The following RBFOX1 variants were observed in gnomAD, a reference collection of about 807,000 sequenced individuals.
RBFOX1 encodes the protein RNA binding fox-1 homolog 1, also known as RNA binding protein fox-1 homolog 1.
Under a neutral mutation model 57.7 loss-of-function variants are expected in RBFOX1, and 8 were observed. The observed-to-expected ratio is 0.14, with a 90% confidence interval of 0.08 to 0.25. The LOEUF (loss-of-function observed/expected upper bound fraction) is 0.25. Ranked by LOEUF, RBFOX1 falls within the 10% of genes least tolerant of loss-of-function variation. The pLI is 1.00. For missense variants in RBFOX1, 611 were observed against 548.5 expected (o/e 1.11, Z -1.14); for synonymous variants, 326 against 222.4 (o/e 1.47, Z -4.15).
intron 1 of RBFOX1, among the ~76,000 whole-genome samples, chr16:6,292,513 T>C (rs963457108): frequency 6.6e-6 from 1 of 152,162 alleles, no homozygotes; most frequent in Admixed American, 6.5e-5. Flanking sequence ...AGCCTCTTAA[T>C]ATCCATCTTC....
intron 5 of RBFOX1, among the ~76,000 whole-genome samples, chr16:7,566,992 A>C (rs2091838580): frequency 6.6e-6 from 1 of 151,902 alleles, no homozygotes; most frequent in Non-Finnish European, 1.5e-5. Flanking sequence ...AATACCACCC[A>C]AAAATAATGG....
intron 2 of RBFOX1, among the ~76,000 whole-genome samples, chr16:6,500,107 A>C (rs547129872): frequency 6.6e-6 from 1 of 152,280 alleles, no homozygotes; most frequent in Non-Finnish European, 1.5e-5. Flanking sequence ...AAGTTGAAGG[A>C]GCCATTCTTG....
intron 1 of RBFOX1, among the ~76,000 whole-genome samples, chr16:6,114,722 A>AT (rs2096481509): frequency 6.6e-6 from 1 of 152,146 alleles, no homozygotes; most frequent in South Asian, 2.1e-4. Flanking sequence ...AGGATGACTA[A>AT]TGGCTAGTGA....
intron 4 of RBFOX1, among the ~76,000 whole-genome samples, chr16:7,346,782 C>T (rs966630299): frequency 3.3e-5 from 5 of 152,138 alleles, no homozygotes; most frequent in African/African-American, 1.2e-4. Flanking sequence ...CCCATACGAT[C>T]ATGTGGGTTG....
In RBFOX1 at chr16:6,334,705, G is replaced by A. The variant is rs151006667; in HGVS notation, c.-64+17648G>A. 1.1e-4 allele frequency among the ~76,000 whole-genome samples: 16 copies of A among 152,176 alleles called. No individual in the cohort carries two copies. The East Asian group carries it at 2.9e-3, about 28-fold the overall frequency. ...TCTTCTTGCTTGCCAGTTCTCATTC[G>A]CAGAGGATCCCTGTAGTTCTGTTGA... is the stretch of plus-strand genomic sequence containing the variant. On this transcript the variant is annotated intron_variant, in intron 2 of 15. Coordinates refer to ENST00000550418, the MANE Select transcript of RBFOX1 (RefSeq NM_018723.4).
chr16:5,555,895 T>C (rs1024984581), intron 2 of RBFOX1, among the ~76,000 whole-genome samples: 5 of 151,894 alleles, frequency 3.3e-5, no homozygotes, highest in Admixed American at 6.6e-5. Context: ...GTGGTGCATG[T>C]CTGTAATCCC....
rs542339058 is a variant in RBFOX1 at position 6,954,912 on chromosome 16, C to T, written c.-15-97145C>T. On this transcript the variant is annotated intron_variant, in intron 3 of 15. Coordinates refer to ENST00000550418, the MANE Select transcript of RBFOX1 (RefSeq NM_018723.4). ...AATAAAGAAAGGTAATTATCCTAAA[C>T]TTATTAGGCTATTTTAGGCATCAAA... 1.2e-4 allele frequency among the ~76,000 whole-genome samples: 19 copies of T among 152,156 alleles called. 1 individual carries two copies. The South Asian group carries it at 3.1e-3, about 25-fold the overall frequency.
chr16:7,479,228 A>G (rs1599492954), intron 4 of RBFOX1, among the ~76,000 whole-genome samples: 1 of 151,054 alleles, frequency 6.6e-6, no homozygotes, highest in South Asian at 2.1e-4. Flanking sequence ...AGTTGAGGCA[A>G]CTCTCCTGCC....
chr16:7,383,067 A>G (rs1480270319), intron 4 of RBFOX1, among the ~76,000 whole-genome samples: 1 of 152,170 alleles, frequency 6.6e-6, no homozygotes, highest in Non-Finnish European at 1.5e-5. Context: ...TCTAAAGAAA[A>G]AAAAATGCAA....
At chr16:6,536,919 T>C (rs1445370902) in intron 2 of RBFOX1, among the ~76,000 whole-genome samples, 2 of 152,206 alleles carry the variant, frequency 1.3e-5, no homozygotes, top group Non-Finnish European at 2.9e-5. Flanking sequence ...ATCTAAATTA[T>C]GTGTATACAA....
intron 4 of RBFOX1, among the ~76,000 whole-genome samples, chr16:7,181,854 C>T (rs1386927854): frequency 6.6e-6 from 1 of 152,144 alleles, no homozygotes; most frequent in Non-Finnish European, 1.5e-5. Flanking sequence ...AGACACCATA[C>T]CCGGGCCCCA....
In RBFOX1 at chr16:5,392,697, C is replaced by T. The variant is rs139520954; in HGVS notation, c.220-74519C>T. ...GAAGCTTCTTCAAACCTAGATGTAT[C>T]GTACCTTTGGGAAAGAAACAAATGC... On this transcript the variant is annotated intron_variant, in intron 1 of 2. Coordinates refer to the RBFOX1 transcript ENST00000585867. Among the ~76,000 whole-genome samples the T allele has an allele frequency of 1.2e-3, 185 of 152,064 alleles. 2 individuals are homozygous for T. The highest frequency in any genetic ancestry group is 4.3e-3 in the African/African-American group (178 of 41,452).
chr16:5,277,036 C>T (rs1173286679), intron 1 of RBFOX1, among the ~76,000 whole-genome samples: 3 of 152,094 alleles, frequency 2.0e-5, no homozygotes, highest in Non-Finnish European at 4.4e-5. Flanking sequence ...AACTATAGAA[C>T]CAGCCCAAAT....
At chr16:6,284,549 C>T (rs2076707282) in intron 1 of RBFOX1, among the ~76,000 whole-genome samples, 1 of 152,106 alleles carries the variant, frequency 6.6e-6, no homozygotes, top group Non-Finnish European at 1.5e-5. Flanking sequence ...CACCTGTTTG[C>T]CTGAGGAAGA....
At chr16:6,590,742 C>T (rs1199661558) in intron 2 of RBFOX1, among the ~76,000 whole-genome samples, 1 of 152,172 alleles carries the variant, frequency 6.6e-6, no homozygotes, top group Non-Finnish European at 1.5e-5. Flanking sequence ...ATTTCCTCAA[C>T]TTAGCTGTCC....
chr16:5,740,082 G>T (rs57105172), intron 3 of RBFOX1, among the ~76,000 whole-genome samples: 41,269 of 152,056 alleles, frequency 0.27, 6,149 homozygotes, highest in East Asian at 0.57. Flanking sequence ...AACGCTTGTT[G>T]GCAGTGGAGC....
chr16:5,332,854 C>T (rs953438002), intron 1 of RBFOX1, among the ~76,000 whole-genome samples: 6 of 151,858 alleles, frequency 4.0e-5, no homozygotes, highest in African/African-American at 1.5e-4. Context: ...TTTTCTGTTC[C>T]CGAGTCACCA....
At chr16:6,709,573 A>G (rs2063365476) in intron 3 of RBFOX1, among the ~76,000 whole-genome samples, 1 of 152,188 alleles carries the variant, frequency 6.6e-6, no homozygotes, top group Non-Finnish European at 1.5e-5. Context: ...CTTCAAACTC[A>G]TTTCCAATGT....
chr16:5,972,926 C>A (rs1036475317), intron 4 of RBFOX1, among the ~76,000 whole-genome samples: 1 of 152,166 alleles, frequency 6.6e-6, no homozygotes, highest in African/African-American at 2.4e-5. Context: ...TTTCCACAGA[C>A]AAAAACAGGG....
Sources: allele counts gnomAD v4.1 joint callset (sites outside exome capture counted in the v4.1 genomes callset), GRCh38; gene constraint gnomAD v4.1.1; transcripts MANE v1.5; gene names NCBI Gene and HGNC (gene_info 2026-07-23, HGNC 2026-07-21).